Variants in NLGN2 observed in about 807,000 individuals in gnomAD.
NLGN2 encodes the protein neuroligin 2.
Under a neutral mutation model 48.6 loss-of-function variants are expected in NLGN2, and 11 were observed. That is an observed-to-expected ratio of 0.23 (90% CI 0.14 to 0.37). The LOEUF (loss-of-function observed/expected upper bound fraction) is 0.37. Ranked by LOEUF, NLGN2 falls within the 10% of genes least tolerant of loss-of-function variation. The pLI, the probability that NLGN2 is intolerant of heterozygous loss-of-function variation, is 1.00. For synonymous variants in NLGN2, 548 were observed against 550.0 expected (o/e 1.00, Z 0.05); for missense variants, 801 against 1,225.2 (o/e 0.65, Z 5.17).
chr17:7,408,175 G>A lies in NLGN2; in HGVS notation c.-81G>A. The stretch of plus-strand genomic sequence containing the variant: ...CCCTCCTCCCTCCTGGGGCGAGGGG[G>A]GCCTCCCTCCCTCTCCCCCCCTTCT... On this transcript the variant is annotated 5_prime_UTR_variant, in exon 1 of 7. Coordinates refer to ENST00000302926, the MANE Select transcript of NLGN2 (RefSeq NM_020795.4). The surrounding 1 kb of genome is among the most constrained non-coding windows in gnomAD (Gnocchi z 7.5). 1.4e-6 allele frequency: 1 copy of A among 735,620 alleles called. No individual in the cohort carries two copies. Among genetic ancestry groups the A allele is most frequent in the East Asian group, 3.5e-5 (1 of 28,306 alleles). The allele number at this position is 735,620 out of a possible 1,614,324, so 45.6% of individuals were successfully genotyped here.
At chr17:7,416,292 G>A (rs1907098571) in intron 6 of NLGN2, among the ~76,000 whole-genome samples, 185 bp downstream of exon 6, 1 of 152,214 alleles carries the variant, frequency 6.6e-6, no homozygotes, top group African/African-American at 2.4e-5. Context: ...AGAAGCCGCT[G>A]TCCTTTCTGG....
chr17:7,408,664 C>G lies in NLGN2; in HGVS notation c.409C>G (p.Gln137Glu), dbSNP rs746222843. 1 of 1,613,194 alleles carries G rather than the reference C, an allele frequency of 6.2e-7. No homozygotes were observed. Among genetic ancestry groups the G allele is most frequent in the Non-Finnish European group, 8.5e-7 (1 of 1,179,832 alleles). Reference protein sequence around the residue: ...LEAAATYVQNQSEDCLYLNLY... With the variant: ...LEAAATYVQNESEDCLYLNLY... ...GGCGGCCGCCACCTACGTGCAGAAC[C>G]AGAGCGAGGACTGCCTGTACCTCAA... The change falls in exon 1 of 7, where the codon CAG becomes GAG. Residue 137 changes from glutamine (Q) to glutamate (E), a missense_variant. Around this residue, in one of 5 missense-constraint regions of NLGN2, gnomAD observed 56 missense variants for 100.0 expected, o/e 0.56. Transcript: ENST00000302926. This position sits in a 1 kb window ranked among gnomAD's most constrained non-coding sequence, Gnocchi z 7.5.
At chr17:7,412,017 T>C (rs966069792) in intron 1 of NLGN2, 140 bp from the exon 2 acceptor site, 32 of 624,426 alleles carry the variant, frequency 5.1e-5, no homozygotes, top group Non-Finnish European at 6.5e-5. Flanking sequence ...TTTTGCTTTT[T>C]TTTGGCTTCT....
At chr17:7,415,184 A>G in intron 5 of NLGN2, 36 bp downstream of exon 5, 1 of 1,545,730 alleles carries the variant, frequency 6.5e-7, no homozygotes, top group Non-Finnish European at 8.7e-7. Flanking sequence ...CAGGCCTTCA[A>G]GGTTCCAAGG....
chr17:7,408,189 T>TC lies in NLGN2; in HGVS notation c.-60dup, dbSNP rs1190013997. On this transcript the variant is annotated 5_prime_UTR_variant, in exon 1 of 7. Coordinates refer to ENST00000302926, the MANE Select transcript of NLGN2 (RefSeq NM_020795.4). The surrounding 1 kb of genome is among the most constrained non-coding windows in gnomAD (Gnocchi z 7.5). ...GGGGCGAGGGGGGCCTCCCTCCCTC[T>TC]CCCCCCCTTCTCTCTCTCTCCGAGG... 12 of 845,582 alleles carry TC rather than the reference T, an allele frequency of 1.4e-5. No homozygotes were observed. The highest frequency in any genetic ancestry group is 1.9e-5 in the Non-Finnish European group (12 of 628,318). 52.4% of individuals were successfully genotyped at this position (845,582 alleles called of 1,614,324 possible). A position where few individuals can be genotyped will look rare whatever the true frequency, so the allele number is the denominator to read the frequency against.
At position 7,415,144 on chromosome 17, in the gene NLGN2, G is replaced by A; in HGVS notation, c.1033G>A (p.Ala345Thr). 1 of 1,594,580 alleles carries A rather than the reference G, an allele frequency of 6.3e-7. No individual in the cohort carries two copies. The highest frequency in any genetic ancestry group is 8.5e-7 in the Non-Finnish European group (1 of 1,170,358). Residue 345 changes from alanine to threonine, a missense_variant, in exon 5 of 7, where the codon GCC (alanine) becomes ACC (threonine). Ala to Thr is a moderately conservative substitution (Grantham distance 58). Around this residue, in one of 5 missense-constraint regions of NLGN2, gnomAD observed 303 missense variants for 600.1 expected, o/e 0.50. Transcript: ENST00000302926. The stretch of plus-strand genomic sequence containing the variant: ...GCTGGTGGACCAGGACGTGCAGCCT[G>A]CCCGGTATGGGGTGGGAGAGGGCTG... Reference protein sequence around the residue: ...RELVDQDVQPARYHIAFGPVV... With the variant: ...RELVDQDVQPTRYHIAFGPVV...
intron 2 of NLGN2, 139 bp downstream of exon 2, chr17:7,412,346 A>AAGAAT (rs1906934843): frequency 2.8e-6 from 2 of 716,980 alleles, no homozygotes; most frequent in Admixed American, 4.9e-5. Context: ...AAGAAAAGAA[A>AAGAAT]AATGTTTAAT....
rs1906723125 is a variant in NLGN2, at chr17:7,408,177, CCTCCCTCCCTCTCCCCCCCTT to C, written c.-75_-55del. ...CTCCTCCCTCCTGGGGCGAGGGGGGCCTCCCTCCCTCTCCCCCCCTTCTCTCTCTCTCCGAGGGGGGGGGGT... is the reference window on the plus strand; with the variant it reads ...CTCCTCCCTCCTGGGGCGAGGGGGGCCTCTCTCTCTCCGAGGGGGGGGGGT... On this transcript the variant is annotated 5_prime_UTR_variant, in exon 1 of 7. Coordinates refer to ENST00000302926, the MANE Select transcript of NLGN2 (RefSeq NM_020795.4). The surrounding 1 kb of genome is among the most constrained non-coding windows in gnomAD (Gnocchi z 7.5). The C allele has an allele frequency of 1.3e-6, 1 of 758,354 alleles. No individual in the cohort carries two copies. The highest frequency in any genetic ancestry group is 1.9e-5 in the African/African-American group (1 of 53,450). 47.0% of individuals were successfully genotyped at this position (758,354 alleles called of 1,614,324 possible).
Position 7,408,545 on chromosome 17 carries a change from G to A in NLGN2, c.290G>A (p.Arg97His). The change falls in exon 1 of 7, where the codon CGC becomes CAC. Residue 97 changes from arginine (R) to histidine (H), a missense_variant. Arg to His is a conservative substitution (Grantham distance 29). This residue lies in a region of NLGN2 where 164 missense variants were observed against 186.2 expected (regional missense o/e 0.88). Coordinates refer to ENST00000302926, the MANE Select transcript of NLGN2 (RefSeq NM_020795.4). This position sits in a 1 kb window ranked among gnomAD's most constrained non-coding sequence, Gnocchi z 7.5. ...PEAPASWPGV[R>H]NATTLPPACP... ...GCGCCCGCCTCGTGGCCCGGCGTGC[G>A]CAACGCCACCACCCTGCCGCCCGCC... 1.9e-6 allele frequency: 3 copies of A among 1,547,852 alleles called. No individual in the cohort carries two copies. Among genetic ancestry groups the A allele is most frequent in the South Asian group, 2.4e-5 (2 of 84,566 alleles).
chr17:7,408,215 GGGGGGGGTCCCAGGGAGGGA>G lies in NLGN2; in HGVS notation c.-29_-10del, dbSNP rs1906728257. 4.5e-6 allele frequency: 5 copies of G among 1,114,182 alleles called. No homozygotes were observed. The highest frequency in any genetic ancestry group is 2.5e-5 in the South Asian group (1 of 40,312). 69.0% of individuals were successfully genotyped at this position (1,114,182 alleles called of 1,614,324 possible). On this transcript the variant is annotated 5_prime_UTR_variant, in exon 1 of 7. Transcript: ENST00000302926. This position sits in a 1 kb window ranked among gnomAD's most constrained non-coding sequence, Gnocchi z 7.5. ...CCCCCCCTTCTCTCTCTCTCCGAGGGGGGGGGGTCCCAGGGAGGGAGGGGGGGTCCCCCGATCAGCATGTG... is the reference window on the plus strand; with the variant it reads ...CCCCCCCTTCTCTCTCTCTCCGAGGGGGGGGGGTCCCCCGATCAGCATGTG...
chr17:7,414,794 T>G lies in NLGN2; in HGVS notation c.790T>G (p.Ser264Ala). 2 of 1,614,070 alleles carry G rather than the reference T, an allele frequency of 1.2e-6. No homozygotes were observed. ...GDPERITIFG[S>A]GAGASCVNLL... ...CCCCGAGCGTATCACCATCTTTGGT[T>G]CCGGGGCAGGGGCCTCCTGCGTCAA... Residue 264 changes from serine (S) to alanine (A), a missense_variant, in exon 4 of 7, where the codon TCC becomes GCC. Physicochemically the swap from Ser to Ala is moderately conservative, Grantham distance 99. This residue lies in a region of NLGN2 where 303 missense variants were observed against 600.1 expected (regional missense o/e 0.50). Coordinates refer to ENST00000302926, the MANE Select transcript of NLGN2 (RefSeq NM_020795.4).
chr17:7,405,227 C>G (rs987305754), upstream of NLGN2: 3 of 152,430 alleles, frequency 2.0e-5, no homozygotes, highest in African/African-American at 7.2e-5. This position sits in a 1 kb window ranked among gnomAD's most constrained non-coding sequence, Gnocchi z 6.8. Context: ...TTAACGTGGA[C>G]TCCTCCTCCA....
rs1030907975 is a variant in NLGN2, at chr17:7,408,141, T to TC, written c.-109dup. 6.1e-6 allele frequency: 3 copies of TC among 492,966 alleles called. No individual in the cohort carries two copies. The highest frequency in any genetic ancestry group is 3.8e-5 in the East Asian group (1 of 26,520). 30.5% of individuals were successfully genotyped at this position (492,966 alleles called of 1,614,324 possible). ...CTCCCCAACCCCCTCCTCCCTCCTT[T>TC]CCCCCCGCCCCTCCTCCCTCCTGGG... On this transcript the variant is annotated 5_prime_UTR_variant, in exon 1 of 7. Transcript: ENST00000302926. The surrounding 1 kb of genome is among the most constrained non-coding windows in gnomAD (Gnocchi z 7.5).
Position 7,413,278 on chromosome 17 carries a change from G to A in NLGN2, c.509-1066G>A, listed in dbSNP as rs1272927477. 6.6e-6 allele frequency among the ~76,000 whole-genome samples: 1 copy of A among 152,226 alleles called. No individual in the cohort carries two copies. Among genetic ancestry groups the A allele is most frequent in the Non-Finnish European group, 1.5e-5 (1 of 68,050 alleles). On this transcript the variant is annotated intron_variant, in intron 2 of 6. Coordinates refer to ENST00000302926, the MANE Select transcript of NLGN2 (RefSeq NM_020795.4). The surrounding 1 kb of genome is among the most constrained non-coding windows in gnomAD (Gnocchi z 4.9). Reference sequence around the variant, plus strand: ...GTCAAGGAGAATGTCTTAGTGACCTGCAGGTTGACCTTCTGGCAGGAGGGA... The same window carrying A: ...GTCAAGGAGAATGTCTTAGTGACCTACAGGTTGACCTTCTGGCAGGAGGGA...
At position 7,408,114 on chromosome 17, in the gene NLGN2, C is replaced by A. The variant is rs1906718109; in HGVS notation, c.-142C>A. 2.3e-6 allele frequency: 1 copy of A among 432,844 alleles called. No homozygotes were observed. Among genetic ancestry groups the A allele is most frequent in the Non-Finnish European group, 4.0e-6 (1 of 250,538 alleles). The allele number at this position is 432,844 out of a possible 1,614,324, so 26.8% of individuals were successfully genotyped here. A position where few individuals can be genotyped will look rare whatever the true frequency, so the allele number is the denominator to read the frequency against. The stretch of plus-strand genomic sequence containing the variant: ...CTTCTCTGTCCAGTCTAACCCAGGT[C>A]CCTCCCCAACCCCCTCCTCCCTCCT... On this transcript the variant is annotated 5_prime_UTR_variant, in exon 1 of 7. Transcript: ENST00000302926. The surrounding 1 kb of genome is among the most constrained non-coding windows in gnomAD (Gnocchi z 7.5).
chr17:7,412,052 C>CCTTTTTTTTT, intron 1 of NLGN2, 105 bp from the exon 2 acceptor site: 3 of 501,684 alleles, frequency 6.0e-6, no homozygotes, highest in South Asian at 2.0e-5. Flanking sequence ...CCACCCTCCC[C>CCTTTTTTTTT]TTTTCTGCTT....
At position 7,417,150 on chromosome 17, in the gene NLGN2, C is replaced by A. The variant is rs543398361; in HGVS notation, c.1859C>A (p.Thr620Lys). The change falls in exon 7 of 7, where the codon ACG (threonine) becomes AAG (lysine). Residue 620 changes from threonine to lysine, a missense_variant. By Grantham distance (78) the Thr-to-Lys change is moderately conservative (BLOSUM62 -1). Transcript: ENST00000302926. ...CACACGGAGCTCTTCACCACCACCA[C>A]GCGCCTGCCTCCCTACGCCACGCGC... ...NLHTELFTTT[T>K]RLPPYATRWP... The A allele has an allele frequency of 6.2e-7, 1 of 1,606,556 alleles. No homozygotes were observed. The highest frequency in any genetic ancestry group is 1.3e-5 in the African/African-American group (1 of 74,982).
rs1186928435 is a variant in NLGN2 at position 7,411,918 on chromosome 17, T to C, written c.458-239T>C. The stretch of plus-strand genomic sequence containing the variant: ...CACCCCCCCAAAACCAGCCTTTTCT[T>C]TGGGGCATGACTTTTTCTGGGGAGG... On this transcript the variant is annotated intron_variant, in intron 1 of 6. Transcript: ENST00000302926. This position sits in a 1 kb window ranked among gnomAD's most constrained non-coding sequence, Gnocchi z 4.5. 2.0e-5 allele frequency among the ~76,000 whole-genome samples: 3 copies of C among 147,224 alleles called. No individual in the cohort carries two copies. Among genetic ancestry groups the C allele is most frequent in the African/African-American group, 7.4e-5 (3 of 40,466 alleles).
Position 7,413,991 on chromosome 17 carries a change from C to G in NLGN2, c.509-353C>G, listed in dbSNP as rs1208396470. On this transcript the variant is annotated intron_variant, in intron 2 of 6. Transcript: ENST00000302926. The surrounding 1 kb of genome is among the most constrained non-coding windows in gnomAD (Gnocchi z 4.9). The stretch of plus-strand genomic sequence containing the variant: ...TCTAGCCTCGGGAGCTTGCTCTTCC[C>G]AGGGACAGGAAGGAGATGTGCTGTG... Among the ~76,000 whole-genome samples, 1 of 152,136 alleles carries G rather than the reference C, an allele frequency of 6.6e-6. No homozygotes were observed. The highest frequency in any genetic ancestry group is 1.5e-5 in the Non-Finnish European group (1 of 67,992).
Sources: gnomAD v4.1 joint callset for allele counts (sites outside exome capture counted in the v4.1 genomes callset) on GRCh38, gnomAD v4.1.1 for gene constraint, gnomAD v4.1.1 regional missense constraint, Gnocchi (gnomAD v3.1) non-coding constraint, MANE v1.5 for transcripts, NCBI Gene and HGNC (gene_info 2026-07-23, HGNC 2026-07-21) for gene names.